The following PLEKHH2 variants were observed in gnomAD, a reference collection of about 807,000 sequenced individuals.
The protein encoded by PLEKHH2 is pleckstrin homology, MyTH4 and FERM domain containing H2, also known as pleckstrin homology domain-containing family H member 2.
PLEKHH2 carries 129 observed loss-of-function variants against 187.9 expected under a neutral mutation model. The ratio of observed to expected loss-of-function variants is 0.69; its 90% CI spans 0.59 to 0.79. The LOEUF is 0.79. Among genes scored for constraint, PLEKHH2 ranks in the 30% least tolerant of loss-of-function variants. PLEKHH2 has a pLI of 0.00. For synonymous variants in PLEKHH2, 686 were observed against 605.6 expected (o/e 1.13, Z -1.95); for missense variants, 2,076 against 1,751.2 (o/e 1.19, Z -3.31).
chr2:43,762,355 G>A lies in PLEKHH2; in HGVS notation c.4123G>A (p.Glu1375Lys), dbSNP rs192499764. 3.7e-6 allele frequency: 6 copies of A among 1,613,210 alleles called. No individual in the cohort carries two copies. Among genetic ancestry groups the A allele is most frequent in the Non-Finnish European group, 4.2e-6 (5 of 1,179,292 alleles). The stretch of plus-strand genomic sequence containing the variant: ...TACTTTCTTGTGGCTGGCTGTACAT[G>A]AGGATGGTTTAAGCCTCTTAGAATA... ...GSTFLWLAVH[E>K]DGLSLLEYNS... The change falls in exon 28 of 30, where the codon GAG (glutamate) becomes AAG (lysine). Residue 1375 changes from glutamate (E) to lysine (K), a missense_variant. Coordinates refer to ENST00000282406, the MANE Select transcript of PLEKHH2 (RefSeq NM_172069.4).
At chr2:43,670,036 C>T (rs13430456) in intron 2 of PLEKHH2, among the ~76,000 whole-genome samples, 1 of 152,114 alleles carries the variant, frequency 6.6e-6, no homozygotes, top group Non-Finnish European at 1.5e-5. Context: ...AATAGTGGAT[C>T]GTGTGGCTGA....
chr2:43,723,902 G>A (rs1670612688), intron 16 of PLEKHH2, among the ~76,000 whole-genome samples: 1 of 152,210 alleles, frequency 6.6e-6, no homozygotes. Flanking sequence ...AGCCATTGCA[G>A]TAATCCAGGT....
At chr2:43,740,885 C>T (rs12468048) in intron 20 of PLEKHH2, 61 bp from the exon 21 acceptor site, 35,312 of 1,590,110 alleles carry the variant, frequency 0.022, 658 homozygotes, top group African/African-American at 0.095. Flanking sequence ...ATTGCACTCA[C>T]TCAGATGTGG....
intron 2 of PLEKHH2, among the ~76,000 whole-genome samples, chr2:43,648,642 G>A (rs1269063629): frequency 2.0e-5 from 3 of 151,108 alleles, no homozygotes; most frequent in Non-Finnish European, 3.0e-5. Context: ...GTGCAGTTGC[G>A]CAATCTTGGC....
In PLEKHH2 at chr2:43,740,823, A is replaced by C. The variant is rs930586155; in HGVS notation, c.3124-123A>C. 2.1e-6 allele frequency: 3 copies of C among 1,428,924 alleles called. No individual in the cohort carries two copies. In the African/African-American group the frequency reaches 4.3e-5, roughly 21 times the overall value. 88.5% of individuals were successfully genotyped at this position (1,428,924 alleles called of 1,614,324 possible). On this transcript the variant is annotated intron_variant, in intron 20 of 29. Transcript: ENST00000282406. The stretch of plus-strand genomic sequence containing the variant: ...GATAAATGCTGTAAACAGATCATGC[A>C]TATGTGAAAGAAGCAAAACGTTTTT...
At chr2:43,738,956 A>G (rs1419589998) in intron 20 of PLEKHH2, among the ~76,000 whole-genome samples, 2 of 152,188 alleles carry the variant, frequency 1.3e-5, no homozygotes, top group African/African-American at 4.8e-5. Flanking sequence ...CAATGGCACA[A>G]TGTCGGCTCA....
intron 15 of PLEKHH2, among the ~76,000 whole-genome samples, chr2:43,714,602 C>G (rs916750343): frequency 1.3e-5 from 2 of 152,162 alleles, no homozygotes; most frequent in Non-Finnish European, 2.9e-5. Flanking sequence ...TAGGTAGATG[C>G]TAAGAACTTG....
chr2:43,726,357 G>C lies in PLEKHH2; in HGVS notation c.2627G>C (p.Ser876Thr). ...GATTCAGATGAAGATTATGAAGCCA[G>C]TGGACGAAGTCTGTTATCCACACAT... ...SCDSDEDYEASGRSLLSTHYT... is the reference protein window; with the variant it reads ...SCDSDEDYEATGRSLLSTHYT... The change falls in exon 17 of 30, where the codon AGT (serine) becomes ACT (threonine). Residue 876 changes from serine to threonine, a missense_variant. Physicochemically the swap from Ser to Thr is moderately conservative, Grantham distance 58. Coordinates refer to ENST00000282406, the MANE Select transcript of PLEKHH2 (RefSeq NM_172069.4). 2.5e-6 allele frequency: 4 copies of C among 1,610,722 alleles called. No individual in the cohort carries two copies. Among genetic ancestry groups the C allele is most frequent in the Non-Finnish European group, 3.4e-6 (4 of 1,176,958 alleles).
chr2:43,717,275 G>A (rs1340342332), intron 15 of PLEKHH2, among the ~76,000 whole-genome samples: 2 of 151,996 alleles, frequency 1.3e-5, no homozygotes, highest in African/African-American at 2.4e-5. Context: ...AAAATTAGCC[G>A]GGCATGGCAG....
intron 2 of PLEKHH2, among the ~76,000 whole-genome samples, chr2:43,659,801 C>T (rs1028298331): frequency 4.6e-5 from 7 of 151,962 alleles, no homozygotes; most frequent in African/African-American, 1.2e-4. Flanking sequence ...TCAAGTGATC[C>T]GCCTGCCTTG....
intron 18 of PLEKHH2, among the ~76,000 whole-genome samples, chr2:43,730,152 T>C (rs1315905591): frequency 2.0e-5 from 3 of 152,350 alleles, no homozygotes; most frequent in East Asian, 1.9e-4. Context: ...AATTCTTTTA[T>C]AGCAAGCTTG....
At chr2:43,703,836 G>A (rs113482936) in intron 8 of PLEKHH2, 145 bp from the exon 9 acceptor site, 10 of 537,434 alleles carry the variant, frequency 1.9e-5, no homozygotes, top group African/African-American at 7.8e-5. Flanking sequence ...AGTTGGCACC[G>A]ATGATGGTTT....
At chr2:43,741,975 GA>G (rs1671585414) in intron 21 of PLEKHH2, among the ~76,000 whole-genome samples, 1 of 151,950 alleles carries the variant, frequency 6.6e-6, no homozygotes, top group African/African-American at 2.4e-5. Context: ...ATAGAATAAA[GA>G]AAGAAAACAT....
intron 23 of PLEKHH2, 39 bp downstream of exon 23, chr2:43,744,028 C>T (rs1361922313): frequency 6.3e-7 from 1 of 1,595,360 alleles, no homozygotes; most frequent in African/African-American, 1.3e-5. Flanking sequence ...GCCCAACGAA[C>T]AGCAAAGAAG....
chr2:43,652,201 T>C (rs1433789631), intron 2 of PLEKHH2, among the ~76,000 whole-genome samples: 1 of 152,206 alleles, frequency 6.6e-6, no homozygotes, highest in Non-Finnish European at 1.5e-5. Flanking sequence ...AATGCTTAGT[T>C]GCTAGACATT....
chr2:43,707,567 A>T (rs1572594693), intron 11 of PLEKHH2, 22 bp downstream of exon 11: 1 of 1,613,410 alleles, frequency 6.2e-7, no homozygotes, highest in Admixed American at 1.7e-5. Context: ...TCGCAGGCAT[A>T]TGAGGCAACT....
rs1669306250 is a variant in PLEKHH2, at chr2:43,700,466, T to C, written c.1508T>C (p.Met503Thr). The stretch of plus-strand genomic sequence containing the variant: ...GACAGTACAGAAGTTTTAGAGAATA[T>C]GGACACGAGTTGTGATGATGGATTA... ...DGDSTEVLEN[M>T]DTSCDDGLFS... The change falls in exon 8 of 30, where the codon ATG becomes ACG. Residue 503 changes from methionine to threonine, a missense_variant. Physicochemically the swap from Met to Thr is moderately conservative, Grantham distance 81. Transcript: ENST00000282406. 5.6e-6 allele frequency: 9 copies of C among 1,614,078 alleles called. No homozygotes were observed. The highest frequency in any genetic ancestry group is 7.6e-6 in the Non-Finnish European group (9 of 1,180,022).
At chr2:43,711,701 C>G in intron 14 of PLEKHH2, 1 of 510,560 alleles carries the variant, frequency 2.0e-6, no homozygotes, top group Non-Finnish European at 2.5e-6. Context: ...ACCATCCTGG[C>G]TAACACGGTG....
intron 1 of PLEKHH2, among the ~76,000 whole-genome samples, chr2:43,637,841 A>G (rs755194452): frequency 3.2e-4 from 49 of 152,236 alleles, no homozygotes; most frequent in Non-Finnish European, 6.2e-4. Flanking sequence ...AAAACTTTAA[A>G]GAAGCATTTT....
Sources: allele counts gnomAD v4.1 joint callset (sites outside exome capture counted in the v4.1 genomes callset), GRCh38; gene constraint gnomAD v4.1.1; transcripts MANE v1.5; gene names NCBI Gene and HGNC (gene_info 2026-07-23, HGNC 2026-07-21).